Variants in RTTN observed in about 807,000 individuals in gnomAD.
RTTN encodes the protein rotatin.
A neutral mutation model predicts 269.2 loss-of-function variants in RTTN; 182 were observed. The observed-to-expected ratio is 0.68, with a 90% CI of 0.60 to 0.76. RTTN has a LOEUF of 0.76. Among genes scored for constraint, RTTN ranks in the 30% least tolerant of loss-of-function variants. The pLI is 0.00. For missense variants in RTTN, 2,545 were observed against 2,608.6 expected (o/e 0.98, Z 0.53); for synonymous variants, 1,006 against 963.5 (o/e 1.04, Z -0.82).
intron 44 of RTTN, 30 bp from the exon 45 acceptor site, chr18:70,020,847 TTCTCA>T (rs752642691): frequency 1.9e-6 from 3 of 1,568,580 alleles, no homozygotes; most frequent in South Asian, 2.3e-5. Context: ...TCACAATGTC[TTCTCA>T]GTTTCCCTGT....
chr18:70,048,130 G>A lies in RTTN; in HGVS notation c.5382C>T (p.Ser1794=). 1.2e-6 allele frequency: 2 copies of A among 1,614,134 alleles called. No homozygotes were observed. The highest frequency in any genetic ancestry group is 8.5e-7 in the Non-Finnish European group (1 of 1,179,984). Residue 1794 remains serine, a synonymous_variant, in exon 40 of 49, where the codon AGC becomes AGT. Coordinates refer to ENST00000640769, the MANE Select transcript of RTTN (RefSeq NM_173630.4). ...SATCPALYTA[S]LQFLSVLLTE... is the part of the protein sequence containing the mutation. ...TCAAGAGAACAGAAAGGAATTGCAAGCTGGCAGTATACAGGGCAGGACACG... is the reference window on the plus strand; with the variant it reads ...TCAAGAGAACAGAAAGGAATTGCAAACTGGCAGTATACAGGGCAGGACACG...
chr18:70,020,391 A>T (rs1168032143), intron 45 of RTTN, among the ~76,000 whole-genome samples: 4 of 152,242 alleles, frequency 2.6e-5, no homozygotes, highest in African/African-American at 9.6e-5. Context: ...CTAAGAAGAT[A>T]AATGAGAAGG....
At chr18:70,186,512 C>T (rs752013872) in intron 10 of RTTN, among the ~76,000 whole-genome samples, 13 of 152,096 alleles carry the variant, frequency 8.5e-5, no homozygotes, top group Non-Finnish European at 1.8e-4. Context: ...CTAGCACTTT[C>T]GGAGACCAAG....
At chr18:70,176,641 G>A (rs780749537) in intron 11 of RTTN, 34 bp downstream of exon 11, 4 of 1,587,826 alleles carry the variant, frequency 2.5e-6, no homozygotes, top group South Asian at 2.3e-5. Flanking sequence ...ATAATAGTCT[G>A]TAAAGTACAA....
intron 44 of RTTN, 91 bp downstream of exon 44, chr18:70,024,631 A>G: frequency 8.4e-7 from 1 of 1,185,450 alleles, no homozygotes; most frequent in Admixed American, 2.1e-5. Context: ...AATACTTCAA[A>G]ATATGTATTA....
intron 40 of RTTN, chr18:70,031,238 T>C: frequency 9.5e-6 from 5 of 526,450 alleles, no homozygotes; most frequent in South Asian, 6.5e-5. Context: ...TATTTAGCTT[T>C]CACGTAGCAA....
intron 46 of RTTN, among the ~76,000 whole-genome samples, chr18:70,012,374 C>A: frequency 6.8e-6 from 1 of 145,992 alleles, no homozygotes; most frequent in Non-Finnish European, 1.5e-5. Flanking sequence ...GCAGCGTCTG[C>A]TCACTGGTGT....
intron 7 of RTTN, among the ~76,000 whole-genome samples, chr18:70,195,821 C>T (rs749000311): frequency 6.6e-6 from 1 of 152,184 alleles, no homozygotes; most frequent in Non-Finnish European, 1.5e-5. Flanking sequence ...CAATGCCATA[C>T]CCTCTAAGAT....
chr18:70,073,723 T>C (rs1280243442), intron 34 of RTTN, among the ~76,000 whole-genome samples, 183 bp downstream of exon 34: 2 of 152,184 alleles, frequency 1.3e-5, no homozygotes, highest in Admixed American at 1.3e-4. Flanking sequence ...GCAAGATAAG[T>C]ATCTATAATG....
chr18:70,008,246 A>G (rs576460162), intron 46 of RTTN: 2 of 152,238 alleles, frequency 1.3e-5, no homozygotes, highest in African/African-American at 2.4e-5. Context: ...AACCCCATCC[A>G]ATGGTCACCA....
intron 37 of RTTN, among the ~76,000 whole-genome samples, chr18:70,055,235 A>G (rs747814022): frequency 5.9e-5 from 9 of 152,156 alleles, no homozygotes; most frequent in Non-Finnish European, 1.2e-4. Context: ...ACTACCCTCA[A>G]GCAATGAGCC....
intron 10 of RTTN, among the ~76,000 whole-genome samples, chr18:70,187,457 G>C (rs1318792833): frequency 6.6e-6 from 1 of 152,138 alleles, no homozygotes; most frequent in Non-Finnish European, 1.5e-5. Flanking sequence ...CTGGATGGGA[G>C]AGAGGCATCT....
chr18:70,121,121 G>A (rs1215995581), intron 26 of RTTN, among the ~76,000 whole-genome samples: 2 of 152,072 alleles, frequency 1.3e-5, no homozygotes, highest in Non-Finnish European at 2.9e-5. Flanking sequence ...GGGGCTAGAA[G>A]GGTAAATATT....
At chr18:70,173,608 T>A (rs1275509781) in intron 11 of RTTN, among the ~76,000 whole-genome samples, 2 of 152,146 alleles carry the variant, frequency 1.3e-5, no homozygotes, top group Non-Finnish European at 2.9e-5. Flanking sequence ...AAGGAATAGT[T>A]TTCTAGTTTT....
chr18:70,016,325 A>G (rs1471738628), intron 46 of RTTN, among the ~76,000 whole-genome samples: 2 of 152,246 alleles, frequency 1.3e-5, no homozygotes, highest in African/African-American at 2.4e-5. Context: ...GAATGAATCT[A>G]TCTTAAACAT....
intron 18 of RTTN, among the ~76,000 whole-genome samples, chr18:70,142,979 C>T (rs1029351524): frequency 2.0e-5 from 3 of 152,108 alleles, no homozygotes; most frequent in South Asian, 2.1e-4. Context: ...GATCCAAGAT[C>T]GCACCACTGC....
At chr18:70,176,998 CCTG>C (rs1473224115) in intron 10 of RTTN, among the ~76,000 whole-genome samples, 153 bp from the exon 11 acceptor site, 1 of 152,072 alleles carries the variant, frequency 6.6e-6, no homozygotes, top group Non-Finnish European at 1.5e-5. Flanking sequence ...ATTACCAATG[CCTG>C]CTGACATAAT....
In RTTN at chr18:70,024,808, G is replaced by C. The variant is rs758809549; in HGVS notation, c.5864C>G (p.Ser1955Cys). 6.2e-7 allele frequency: 1 copy of C among 1,614,058 alleles called. No homozygotes were observed. The highest frequency in any genetic ancestry group is 1.7e-5 in the Admixed American group (1 of 60,016). ...ATCCATCAAAATCCAAGGCCAGAGAGAGTGCAAGACAGGGACAAGGTGAGC... is the reference window on the plus strand; with the variant it reads ...ATCCATCAAAATCCAAGGCCAGAGACAGTGCAAGACAGGGACAAGGTGAGC... ...LEAHLVPVLH[S>C]LWPWILMDDS... Residue 1955 changes from serine to cysteine, a missense_variant, in exon 44 of 49, where the codon TCT (serine) becomes TGT (cysteine). Coordinates refer to ENST00000640769, the MANE Select transcript of RTTN (RefSeq NM_173630.4).
chr18:70,117,434 C>T (rs1004875690), intron 26 of RTTN, among the ~76,000 whole-genome samples: 8 of 151,918 alleles, frequency 5.3e-5, no homozygotes, highest in African/African-American at 1.7e-4. Context: ...AGGGAGTAAA[C>T]CCAACTGATA....
Sources: allele counts gnomAD v4.1 joint callset (sites outside exome capture counted in the v4.1 genomes callset), GRCh38; gene constraint gnomAD v4.1.1; transcripts MANE v1.5; gene names NCBI Gene and HGNC (gene_info 2026-07-23, HGNC 2026-07-21).